Variants in ABCD4 observed in about 807,000 individuals in gnomAD.
ABCD4 encodes the protein lysosomal cobalamin transporter ABCD4.
ABCD4 carries 53 observed loss-of-function variants against 86.3 expected under a neutral mutation model. That is an observed-to-expected ratio of 0.61 (90% confidence interval 0.49 to 0.77). The LOEUF (loss-of-function observed/expected upper bound fraction) is 0.77. Among genes scored for constraint, ABCD4 ranks in the 30% least tolerant of loss-of-function variants. The pLI is 0.00. For synonymous variants in ABCD4, 328 were observed against 313.6 expected, an observed-to-expected ratio of 1.05 and a Z score of -0.49; for missense variants, 757 against 764.5, an observed-to-expected ratio of 0.99 and a Z score of 0.12.
At chr14:74,291,582 C>T (rs950548469) in intron 11 of ABCD4, among the ~76,000 whole-genome samples, 1 of 152,226 alleles carries the variant, frequency 6.6e-6, no homozygotes, top group Non-Finnish European at 1.5e-5. Context: ...ATTCCAGTTT[C>T]CTACAGACCC....
chr14:74,289,376 G>A (rs1377031077), intron 14 of ABCD4, 107 bp downstream of exon 14: 6 of 1,525,210 alleles, frequency 3.9e-6, no homozygotes, highest in East Asian at 4.7e-5. Context: ...TTGAATCAGC[G>A]GCCTGGCTGG....
Position 74,297,633 on chromosome 14 carries a change from G to A in ABCD4, c.425+297C>T, listed in dbSNP as rs74063835. ...GAGTACAGTGGCTATTCCCAAGTGTGCTCACGGTGCACTACTCCTGGGCTC... is the reference window on the plus strand; with the variant it reads ...GAGTACAGTGGCTATTCCCAAGTGTACTCACGGTGCACTACTCCTGGGCTC... On this transcript the variant is annotated intron_variant, in intron 4 of 18. Coordinates refer to ENST00000356924, the MANE Select transcript of ABCD4 (RefSeq NM_005050.4). 13,823 of 882,976 alleles carry A rather than the reference G, an allele frequency of 0.016. 1,459 individuals carry two copies. In the African/African-American group the frequency reaches 0.23, roughly 14 times the overall value. The allele number at this position is 882,976 out of a possible 1,614,324, so 54.7% of individuals were successfully genotyped here.
At chr14:74,299,518 G>C in intron 3 of ABCD4, 30 bp downstream of exon 3, 1 of 1,611,060 alleles carries the variant, frequency 6.2e-7, no homozygotes, top group Non-Finnish European at 8.5e-7. Context: ...TGGAGAGGAC[G>C]AGAGACACAG....
Position 74,302,785 on chromosome 14 carries a change from G to T in ABCD4, c.38+90C>A, listed in dbSNP as rs2085036555. On this transcript the variant is annotated intron_variant, in intron 1 of 18. Transcript: ENST00000356924. ...ACGGGGGCGAGACGGGGGCGCCAGG[G>T]CGGCGGACGAGGCACGGAGGGCAGG... 4 of 1,332,694 alleles carry T rather than the reference G, an allele frequency of 3.0e-6. No individual in the cohort carries two copies. The South Asian group carries it at 6.7e-5, about 22-fold the overall frequency. 82.6% of individuals were successfully genotyped at this position (1,332,694 alleles called of 1,614,324 possible).
At chr14:74,301,654 C>A (rs1222693315) in intron 1 of ABCD4, among the ~76,000 whole-genome samples, 1 of 151,902 alleles carries the variant, frequency 6.6e-6, no homozygotes, top group Non-Finnish European at 1.5e-5. Context: ...GAAGTGTAAT[C>A]CCTGCACTTC....
intron 5 of ABCD4, 64 bp from the exon 6 acceptor site, chr14:74,296,043 C>CA: frequency 6.5e-7 from 1 of 1,538,866 alleles, no homozygotes. Context: ...CCACATGCCT[C>CA]AGCCCTGACT....
intron 17 of ABCD4, 107 bp downstream of exon 17, chr14:74,287,700 CGGA>C: frequency 3.8e-6 from 4 of 1,040,028 alleles, no homozygotes; most frequent in Non-Finnish European, 5.8e-6. Flanking sequence ...GCAGGGAATG[CGGA>C]GAAGCCCAGC....
At chr14:74,299,886 AC>A in intron 2 of ABCD4, 2 of 584,012 alleles carry the variant, frequency 3.4e-6, no homozygotes, top group South Asian at 2.1e-5. Context: ...AGATGGTGAA[AC>A]CCTGTCTTTA....
Position 74,296,614 on chromosome 14 carries a change from C to T in ABCD4, c.426-165G>A. 4.9e-6 allele frequency: 3 copies of T among 616,968 alleles called. No homozygotes were observed. The South Asian group carries it at 5.8e-5, about 12-fold the overall frequency. 38.2% of individuals were successfully genotyped at this position (616,968 alleles called of 1,614,324 possible). A position where few individuals can be genotyped will look rare whatever the true frequency, so the allele number is the denominator to read the frequency against. On this transcript the variant is annotated intron_variant, in intron 4 of 18. Coordinates refer to ENST00000356924, the MANE Select transcript of ABCD4 (RefSeq NM_005050.4). Reference sequence around the variant, plus strand: ...GACAAGGCTGGTTTCCTAGGGGCAACTAAATCCCAGGGCCTTTAAACAGGG... The same window carrying T: ...GACAAGGCTGGTTTCCTAGGGGCAATTAAATCCCAGGGCCTTTAAACAGGG...
At chr14:74,295,008 G>A in intron 7 of ABCD4, 140 bp downstream of exon 7, 1 of 993,966 alleles carries the variant, frequency 1.0e-6, no homozygotes. Flanking sequence ...GGCAGGGGGA[G>A]GTAGAGGGAG....
At position 74,289,527 on chromosome 14, in the gene ABCD4, A is replaced by G; in HGVS notation, c.1420-8T>C. The G allele has an allele frequency of 1.9e-6, 3 of 1,613,604 alleles. No individual in the cohort carries two copies. The highest frequency in any genetic ancestry group is 2.5e-6 in the Non-Finnish European group (3 of 1,179,830). ...CTTCAGGGGATATATCACCTGAGAAAAGAAAAAAACCACACCAACCTAGGA... is the reference window on the plus strand; with the variant it reads ...CTTCAGGGGATATATCACCTGAGAAGAGAAAAAAACCACACCAACCTAGGA... On this transcript the variant is annotated splice_polypyrimidine_tract_variant and splice_region_variant and intron_variant, in intron 13 of 18. Coordinates refer to ENST00000356924, the MANE Select transcript of ABCD4 (RefSeq NM_005050.4).
chr14:74,301,643 G>A (rs2084557932), intron 1 of ABCD4, among the ~76,000 whole-genome samples: 1 of 152,184 alleles, frequency 6.6e-6, no homozygotes, highest in African/African-American at 2.4e-5. Flanking sequence ...CTGCCCGTCG[G>A]GAAGTGTAAT....
At position 74,301,900 on chromosome 14, in the gene ABCD4, AAAAGAAAGAAAG is replaced by A. The variant is rs533778989; in HGVS notation, c.38+963_38+974del. On this transcript the variant is annotated intron_variant, in intron 1 of 18. Coordinates refer to ENST00000356924, the MANE Select transcript of ABCD4 (RefSeq NM_005050.4). ...AGCAACAAGAGCAAAACTCCGTCTC[AAAAGAAAGAAAG>A]AAAGAAAGAAAGAAAATGTACACGA... Among the ~76,000 whole-genome samples the A allele has an allele frequency of 7.2e-5, 11 of 152,004 alleles. No individual in the cohort carries two copies. The East Asian group carries it at 1.2e-3, about 16-fold the overall frequency.
chr14:74,287,948 G>T (rs760875785), intron 16 of ABCD4, 62 bp from the exon 17 acceptor site: 1 of 1,475,990 alleles, frequency 6.8e-7, no homozygotes, highest in Non-Finnish European at 9.3e-7. Flanking sequence ...CTTTTACCTA[G>T]AATGGTCTGG....
Position 74,290,031 on chromosome 14 carries a change from TC to T in ABCD4, c.1414del (p.Glu472SerfsTer3). The T allele has an allele frequency of 1.9e-6, 3 of 1,614,024 alleles. No individual in the cohort carries two copies. The highest frequency in any genetic ancestry group is 2.5e-6 in the Non-Finnish European group (3 of 1,179,998). ...AGCCCCCTGAACTAGACTGACCTGC[TC>T]CCGAAGGGTCCCGTCAGTGAAGAAT... ...KPFFTDGTLR[E>X]QVIYPLKEVY... On this transcript the variant is annotated frameshift_variant, in exon 13 of 19. Transcript: ENST00000356924. LOFTEE classifies it high-confidence loss of function.
intron 6 of ABCD4, 41 bp downstream of exon 6, chr14:74,295,813 A>G: frequency 1.9e-6 from 3 of 1,610,992 alleles, no homozygotes; most frequent in Non-Finnish European, 2.5e-6. Context: ...TTCCTTAACT[A>G]TTATGCCCCA....
intron 12 of ABCD4, 68 bp from the exon 13 acceptor site, chr14:74,290,186 C>A (rs567059239): frequency 1.2e-6 from 2 of 1,610,940 alleles, no homozygotes; most frequent in Non-Finnish European, 1.7e-6. Flanking sequence ...CTCCTCTCTT[C>A]CTTGTTCCCC....
chr14:74,295,817 T>C (rs932344617), intron 6 of ABCD4, 37 bp downstream of exon 6: 1 of 1,611,426 alleles, frequency 6.2e-7, no homozygotes, highest in Admixed American at 1.7e-5. Flanking sequence ...TTAACTATTA[T>C]GCCCCAGCCC....
chr14:74,296,445 G>C lies in ABCD4; in HGVS notation c.430C>G (p.Gln144Glu). ...VLRDDIDNPD[Q>E]RISQDVERFC... ...CGCTCCACGTCCTGGCTGATGCGCT[G>C]GTCCCTGGAGCCAATGACACAGAGT... Residue 144 changes from glutamine (Q) to glutamate (E), a missense_variant, in exon 5 of 19, where the codon CAG becomes GAG. Gln to Glu is a conservative substitution (Grantham distance 29). Transcript: ENST00000356924. The C allele has an allele frequency of 6.2e-7, 1 of 1,613,964 alleles. No individual in the cohort carries two copies. The highest frequency in any genetic ancestry group is 8.5e-7 in the Non-Finnish European group (1 of 1,179,996).
Sources: allele counts gnomAD v4.1 joint callset (sites outside exome capture counted in the v4.1 genomes callset), GRCh38; gene constraint gnomAD v4.1.1; transcripts MANE v1.5; gene names NCBI Gene and HGNC (gene_info 2026-07-23, HGNC 2026-07-21).